Variants in MBIP observed in about 807,000 individuals in gnomAD.
The protein encoded by MBIP is MAP3K12-binding inhibitory protein 1.
A neutral mutation model predicts 45.7 loss-of-function variants in MBIP; 32 were observed. That is an observed-to-expected ratio of 0.70 (90% CI 0.53 to 0.94). The LOEUF is 0.94. Among genes scored for constraint, MBIP ranks in the 40% least tolerant of loss-of-function variants. The pLI is 0.00. For missense variants in MBIP, 381 were observed against 405.5 expected (o/e 0.94, Z 0.52); for synonymous variants, 145 against 141.0 (o/e 1.03, Z -0.20).
rs1469415850 is a variant in MBIP, at chr14:36,299,029, T to G, written c.*54A>C. ...TATATCCGTTGAATTAATAACAGTG[T>G]AAGTTACACATATGTATACAAAAAA... is the stretch of plus-strand genomic sequence containing the variant. On this transcript the variant is annotated 3_prime_UTR_variant, in exon 9 of 9. Transcript: ENST00000416007. 8.2e-7 allele frequency: 1 copy of G among 1,213,292 alleles called. No individual in the cohort carries two copies. The allele number at this position is 1,213,292 out of a possible 1,614,324, so 75.2% of individuals were successfully genotyped here.
chr14:36,299,454 A>G (rs1425919121), intron 8 of MBIP, among the ~76,000 whole-genome samples: 3 of 62,132 alleles, frequency 4.8e-5, no homozygotes, highest in Non-Finnish European at 6.8e-5. Flanking sequence ...CTTAGAAAGA[A>G]TAAGTTAAAA....
intron 4 of MBIP, chr14:36,314,233 C>G: frequency 3.2e-6 from 1 of 313,564 alleles, no homozygotes. Context: ...CTCACTCGTA[C>G]CTCACCTTCA....
chr14:36,311,302 T>C (rs540879361), intron 6 of MBIP, among the ~76,000 whole-genome samples: 2 of 152,210 alleles, frequency 1.3e-5, no homozygotes, highest in Admixed American at 6.5e-5. Context: ...TTCTTTTTTT[T>C]TTAGAGTTGT....
chr14:36,303,522 T>C (rs1190979434), intron 7 of MBIP, among the ~76,000 whole-genome samples: 1 of 152,238 alleles, frequency 6.6e-6, no homozygotes, highest in African/African-American at 2.4e-5. Flanking sequence ...TATTGAATAC[T>C]GTAGGCAAGT....
At chr14:36,302,018 A>G (rs1363648136) in intron 7 of MBIP, among the ~76,000 whole-genome samples, 1 of 152,254 alleles carries the variant, frequency 6.6e-6, no homozygotes, top group Non-Finnish European at 1.5e-5. Context: ...GGAAATCATT[A>G]AGTATTAGAA....
chr14:36,313,550 T>G (rs1388307617), intron 4 of MBIP: 1 of 152,140 alleles, frequency 6.6e-6, no homozygotes, highest in Non-Finnish European at 1.5e-5. Context: ...TTGGTTGTAG[T>G]ACCTGAGATT....
Position 36,314,856 on chromosome 14 carries a change from C to T in MBIP, c.309G>A (p.Glu103=). ...IKEENTTAVE[E]IGRTEMGNKN... ...TGTTCCCCATTTCTGTTCTTCCTATCTCTTCAACAGCAGTTGTATTCTCCT... is the reference window on the plus strand; with the variant it reads ...TGTTCCCCATTTCTGTTCTTCCTATTTCTTCAACAGCAGTTGTATTCTCCT... The change falls in exon 3 of 9, where the codon GAG becomes GAA. Residue 103 remains glutamate, a synonymous_variant. Coordinates refer to ENST00000416007, the MANE Select transcript of MBIP (RefSeq NM_016586.3). 1 of 1,613,480 alleles carries T rather than the reference C, an allele frequency of 6.2e-7. No individual in the cohort carries two copies. Among genetic ancestry groups the T allele is most frequent in the South Asian group, 1.1e-5 (1 of 91,072 alleles).
At chr14:36,319,480 T>C (rs1400163821) in intron 1 of MBIP, 1 of 333,912 alleles carries the variant, frequency 3.0e-6, no homozygotes, top group East Asian at 8.9e-5. Context: ...CATACTACGA[T>C]TTTTAAAAAT....
intron 1 of MBIP, among the ~76,000 whole-genome samples, chr14:36,317,815 G>A (rs1166214659): frequency 2.6e-5 from 4 of 151,994 alleles, no homozygotes; most frequent in African/African-American, 9.7e-5. Context: ...AAATAAAGGT[G>A]TTACGTGAGT....
chr14:36,311,827 A>C lies in MBIP; in HGVS notation c.638-102T>G, dbSNP rs951517259. 4 of 1,244,780 alleles carry C rather than the reference A, an allele frequency of 3.2e-6. No individual in the cohort carries two copies. In the African/African-American group the frequency reaches 4.6e-5, roughly 14 times the overall value. 77.1% of individuals were successfully genotyped at this position (1,244,780 alleles called of 1,614,324 possible). ...ATATTTTTTTCATAAAGACCATCTAACCACAAGTATGAAGGACGGCAAGAT... is the reference window on the plus strand; with the variant it reads ...ATATTTTTTTCATAAAGACCATCTACCCACAAGTATGAAGGACGGCAAGAT... On this transcript the variant is annotated intron_variant, in intron 5 of 8. Transcript: ENST00000416007.
At chr14:36,299,265 TATAA>T (rs1879386872) in intron 8 of MBIP, 75 bp from the exon 9 acceptor site, 2 of 926,140 alleles carry the variant, frequency 2.2e-6, no homozygotes, top group Admixed American at 2.1e-5. Flanking sequence ...CCAAATGAAC[TATAA>T]ATATTTAAAA....
chr14:36,317,609 G>T (rs1420262179), intron 1 of MBIP, among the ~76,000 whole-genome samples: 1 of 151,950 alleles, frequency 6.6e-6, no homozygotes, highest in East Asian at 1.9e-4. Flanking sequence ...AAACTACCAA[G>T]AACCTGAATA....
chr14:36,305,856 C>A lies in MBIP; in HGVS notation c.888+2236G>T, dbSNP rs564970673. Among the ~76,000 whole-genome samples the A allele has an allele frequency of 2.2e-3, 331 of 152,278 alleles. 1 individual carries two copies. The highest frequency in any genetic ancestry group is 6.8e-3 in the Middle Eastern group (2 of 294). ...TATCCTTGTTCTCTGTCTCTTTCCA[C>A]ATCCAATCATCAGTATTTGTCCATT... On this transcript the variant is annotated intron_variant, in intron 7 of 8. Transcript: ENST00000416007.
chr14:36,318,508 C>G (rs916866311), intron 1 of MBIP, among the ~76,000 whole-genome samples: 1 of 151,836 alleles, frequency 6.6e-6, no homozygotes, highest in Non-Finnish European at 1.5e-5. Flanking sequence ...GAAGAGTAAA[C>G]CACTCACTCG....
At chr14:36,311,280 ACTAT>A (rs1299981483) in intron 6 of MBIP, among the ~76,000 whole-genome samples, 1 of 151,872 alleles carries the variant, frequency 6.6e-6, no homozygotes, top group Non-Finnish European at 1.5e-5. Context: ...GCAAGACTGG[ACTAT>A]CTCTTTTTTC....
intron 7 of MBIP, among the ~76,000 whole-genome samples, chr14:36,302,681 C>G (rs1336058564): frequency 6.6e-6 from 1 of 151,726 alleles, no homozygotes; most frequent in South Asian, 2.1e-4. Context: ...TAAAATGTGG[C>G]CTTTTGGACT....
intron 2 of MBIP, 92 bp from the exon 3 acceptor site, chr14:36,315,007 T>C (rs1880482299): frequency 2.6e-6 from 2 of 760,512 alleles, no homozygotes; most frequent in Non-Finnish European, 4.3e-6. Flanking sequence ...GCTAAGTAAA[T>C]GAAATACTTA....
intron 1 of MBIP, 103 bp from the exon 2 acceptor site, chr14:36,316,915 C>A: frequency 7.8e-7 from 1 of 1,278,102 alleles, no homozygotes; most frequent in Non-Finnish European, 1.1e-6. Context: ...GTCTATTTTG[C>A]TCTAAGTTAT....
chr14:36,310,541 T>A (rs1450223923), intron 6 of MBIP, among the ~76,000 whole-genome samples: 1 of 152,224 alleles, frequency 6.6e-6, no homozygotes, highest in Non-Finnish European at 1.5e-5. Context: ...AATAAACATT[T>A]GAGCACTTGC....
Sources: gnomAD v4.1 joint callset for allele counts (sites outside exome capture counted in the v4.1 genomes callset) on GRCh38, gnomAD v4.1.1 for gene constraint, MANE v1.5 for transcripts, NCBI Gene and HGNC (gene_info 2026-07-23, HGNC 2026-07-21) for gene names.